Variants in ANKRD24 observed in about 807,000 individuals in gnomAD.
The protein encoded by ANKRD24 is ankyrin repeat domain 24.
Under a neutral mutation model 127.8 loss-of-function variants are expected in ANKRD24, and 109 were observed. The observed-to-expected ratio is 0.85, with a 90% CI of 0.73 to 1.00. The LOEUF is 1.00. Ranked by LOEUF, ANKRD24 falls within the 50% of genes least tolerant of loss-of-function variation. The pLI is 0.00. For synonymous variants in ANKRD24, 743 were observed against 671.1 expected (o/e 1.11, Z -1.66); for missense variants, 1,648 against 1,570.2 (o/e 1.05, Z -0.84).
rs903916550 is a variant in ANKRD24 at position 4,199,491 on chromosome 19, C to T, written c.37-192C>T. ...CCTCCCCAGATGCTGGGACTACAGG[C>T]GTGAGCCTCCATGCTCAGCCCAGGG... On this transcript the variant is annotated intron_variant, in intron 2 of 21. Transcript: ENST00000318934. This position sits in a 1 kb window ranked among gnomAD's most constrained non-coding sequence, Gnocchi z 5.2. 9 of 984,908 alleles carry T rather than the reference C, an allele frequency of 9.1e-6. No individual in the cohort carries two copies. The highest frequency in any genetic ancestry group is 7.0e-5 in the African/African-American group (4 of 57,242). The allele number at this position is 984,908 out of a possible 1,614,324, so 61.0% of individuals were successfully genotyped here. A position where few individuals can be genotyped will look rare whatever the true frequency, so the allele number is the denominator to read the frequency against.
intron 15 of ANKRD24, among the ~76,000 whole-genome samples, chr19:4,213,259 T>TTTCCTTTCCTTCC (rs1390531158): frequency 2.2e-5 from 2 of 90,870 alleles, no homozygotes; most frequent in African/African-American, 9.3e-5. Context: ...CCTTTCCTTC[T>TTTCCTTTCCTTCC]TTCCTTTCCT....
intron 5 of ANKRD24, among the ~76,000 whole-genome samples, chr19:4,201,804 T>G (rs565395514): frequency 5.3e-5 from 8 of 152,208 alleles, no homozygotes; most frequent in Non-Finnish European, 8.8e-5. Context: ...GGAGGATCGC[T>G]TGAGCCTAGG....
chr19:4,211,527 C>A (rs543048826), intron 13 of ANKRD24, among the ~76,000 whole-genome samples: 1 of 152,156 alleles, frequency 6.6e-6, no homozygotes, highest in African/African-American at 2.4e-5. Context: ...GCCTGTAATT[C>A]CAGCTACTTG....
chr19:4,208,243 C>G (rs944959241), intron 10 of ANKRD24, among the ~76,000 whole-genome samples: 3 of 151,998 alleles, frequency 2.0e-5, no homozygotes, highest in Non-Finnish European at 4.4e-5. Flanking sequence ...GTGGCTCATG[C>G]CTGTAATCCC....
intron 9 of ANKRD24, 79 bp downstream of exon 9, chr19:4,207,686 G>A: frequency 6.3e-7 from 1 of 1,597,800 alleles, no homozygotes; most frequent in Non-Finnish European, 8.6e-7. Flanking sequence ...AGACGATCTA[G>A]CCAGCCTCCT....
intron 9 of ANKRD24, 24 bp downstream of exon 9, chr19:4,207,631 G>T (rs778828210): frequency 4.3e-6 from 7 of 1,610,574 alleles, no homozygotes; most frequent in Non-Finnish European, 5.9e-6. Flanking sequence ...CTCCCAGCCA[G>T]TCCACCCTAT....
chr19:4,198,061 C>T lies in ANKRD24; in HGVS notation c.37-1622C>T. On this transcript the variant is annotated intron_variant, in intron 2 of 21. Coordinates refer to ENST00000318934, the MANE Select transcript of ANKRD24 (RefSeq NM_001393985.1). This position sits in a 1 kb window ranked among gnomAD's most constrained non-coding sequence, Gnocchi z 6.1. ...CCGCGTGGAGGTGCGAGGCTGCGGA[C>T]GTCGCGGGCCCGGAGGCACCTGCGC... The T allele has an allele frequency of 4.8e-6, 2 of 416,650 alleles. No individual in the cohort carries two copies. Among genetic ancestry groups the T allele is most frequent in the South Asian group, 6.5e-5 (1 of 15,342 alleles). The allele number at this position is 416,650 out of a possible 1,614,324, so 25.8% of individuals were successfully genotyped here.
chr19:4,198,156 G>T lies in ANKRD24; in HGVS notation c.37-1527G>T. 1.8e-6 allele frequency: 1 copy of T among 555,198 alleles called. No individual in the cohort carries two copies. Among genetic ancestry groups the T allele is most frequent in the Non-Finnish European group, 3.2e-6 (1 of 313,708 alleles). The allele number at this position is 555,198 out of a possible 1,614,324, so 34.4% of individuals were successfully genotyped here. Reference sequence around the variant, plus strand: ...CCCCTGGAGATGCAGCCGGCGGCCTGCGCTGGTGAGGGAGCCGGGCCCCCG... The same window carrying T: ...CCCCTGGAGATGCAGCCGGCGGCCTTCGCTGGTGAGGGAGCCGGGCCCCCG... On this transcript the variant is annotated intron_variant, in intron 2 of 21. Transcript: ENST00000318934. This position sits in a 1 kb window ranked among gnomAD's most constrained non-coding sequence, Gnocchi z 6.1.
rs1286085819 is a variant in ANKRD24, at chr19:4,195,209, A to G, written c.37-4474A>G. 6.6e-6 allele frequency among the ~76,000 whole-genome samples: 1 copy of G among 151,888 alleles called. No homozygotes were observed. The highest frequency in any genetic ancestry group is 1.5e-5 in the Non-Finnish European group (1 of 67,984). ...TGCCTCAGTCTCCCGAGTAGCTGGG[A>G]CTACAGGCGCCCACCACCACGCCCG... On this transcript the variant is annotated intron_variant, in intron 2 of 21. Coordinates refer to ENST00000318934, the MANE Select transcript of ANKRD24 (RefSeq NM_001393985.1). The surrounding 1 kb of genome is among the most constrained non-coding windows in gnomAD (Gnocchi z 4.2).
chr19:4,220,454 T>C (rs1467561611), intron 19 of ANKRD24, among the ~76,000 whole-genome samples: 1 of 151,924 alleles, frequency 6.6e-6, no homozygotes, highest in Non-Finnish European at 1.5e-5. Context: ...GCTGGGTTTG[T>C]ACCCACGTTC....
intron 11 of ANKRD24, 148 bp downstream of exon 11, chr19:4,208,949 A>G: frequency 1.0e-5 from 7 of 675,414 alleles, no homozygotes; most frequent in Non-Finnish European, 1.6e-5. Context: ...GCTGCCACCA[A>G]GTGGCGGCAG....
chr19:4,200,667 G>A (rs59837439), intron 5 of ANKRD24, among the ~76,000 whole-genome samples: 3,401 of 152,062 alleles, frequency 0.022, 143 homozygotes, highest in African/African-American at 0.078. Flanking sequence ...GACTATAGGC[G>A]CACACCACCA....
Position 4,212,514 on chromosome 19 carries a change from G to A in ANKRD24, c.1098+1G>A, listed in dbSNP as rs948161904. The A allele has an allele frequency of 6.4e-7, 1 of 1,560,744 alleles. No homozygotes were observed. The highest frequency in any genetic ancestry group is 1.9e-5 in the Admixed American group (1 of 51,516). On this transcript the variant is annotated splice_donor_variant, in intron 14 of 21. Coordinates refer to ENST00000318934, the MANE Select transcript of ANKRD24 (RefSeq NM_001393985.1). LOFTEE classifies it high-confidence loss of function. ...CTCCCTGCACATCCTGGAGAGACAGGTAGGTGGGAAGGTGGGGAGGAGCCG... is the reference window on the plus strand; with the variant it reads ...CTCCCTGCACATCCTGGAGAGACAGATAGGTGGGAAGGTGGGGAGGAGCCG...
rs1269692127 is a variant in ANKRD24, at chr19:4,212,522, G to A, written c.1098+9G>A. On this transcript the variant is annotated intron_variant, in intron 14 of 21. Coordinates refer to ENST00000318934, the MANE Select transcript of ANKRD24 (RefSeq NM_001393985.1). ...ACATCCTGGAGAGACAGGTAGGTGG[G>A]AAGGTGGGGAGGAGCCGGTCCTCCT... 2.6e-6 allele frequency: 4 copies of A among 1,556,880 alleles called. No individual in the cohort carries two copies. The highest frequency in any genetic ancestry group is 1.2e-5 in the South Asian group (1 of 84,172).
At chr19:4,206,168 TAAA>T (rs1568327829) in intron 7 of ANKRD24, among the ~76,000 whole-genome samples, 21 of 148,306 alleles carry the variant, frequency 1.4e-4, no homozygotes, top group African/African-American at 4.9e-4. Context: ...AATAAATAAA[TAAA>T]TAAATAAATA....
At position 4,187,792 on chromosome 19, in the gene ANKRD24, G is replaced by A. The variant is rs1968152969; in HGVS notation, c.36+1331G>A. Among the ~76,000 whole-genome samples the A allele has an allele frequency of 3.3e-5, 5 of 152,324 alleles. No homozygotes were observed. The South Asian group carries it at 1.0e-3, about 32-fold the overall frequency. On this transcript the variant is annotated intron_variant, in intron 2 of 21. Transcript: ENST00000318934. ...CAACATCCCCATCTGGTGTGGCCTG[G>A]AGAAATCAGGGAGTCTGCCTGGAGG...
intron 1 of ANKRD24, among the ~76,000 whole-genome samples, chr19:4,184,165 C>T (rs1478584186): frequency 1.3e-5 from 2 of 152,214 alleles, no homozygotes; most frequent in African/African-American, 4.8e-5. Flanking sequence ...TCATCCCCGG[C>T]CCCCTGGGGC....
rs1475640784 is a variant in ANKRD24, at chr19:4,199,241, TG to T, written c.37-437del. Among the ~76,000 whole-genome samples the T allele has an allele frequency of 1.3e-5, 2 of 151,920 alleles. No homozygotes were observed. The highest frequency in any genetic ancestry group is 4.8e-5 in the African/African-American group (2 of 41,358). ...GGGTGGCTTTCACTAAGGGATGAAT[TG>T]GGGGACAACTTTTTTTATTGTACAG... On this transcript the variant is annotated intron_variant, in intron 2 of 21. Transcript: ENST00000318934. This position sits in a 1 kb window ranked among gnomAD's most constrained non-coding sequence, Gnocchi z 5.2.
rs199779504 is a variant in ANKRD24, at chr19:4,219,625, G to C, written c.3038G>C (p.Arg1013Pro). The C allele has an allele frequency of 1.1e-5, 17 of 1,613,348 alleles. No homozygotes were observed. Among genetic ancestry groups the C allele is most frequent in the African/African-American group, 1.3e-5 (1 of 74,914 alleles). The change falls in exon 19 of 22, where the codon CGA becomes CCA. Residue 1013 changes from arginine (R) to proline (P), a missense_variant. By Grantham distance (103) the Arg-to-Pro change is moderately radical (BLOSUM62 -2). Transcript: ENST00000318934. Reference protein sequence around the residue: ...QREALFMKSERHAAEAQLATA... With the variant: ...QREALFMKSEPHAAEAQLATA... The stretch of plus-strand genomic sequence containing the variant: ...GAGGCCCTGTTCATGAAGAGTGAGC[G>C]ACACGCAGCCGAGGCACAGCTGGCC...
Sources: gnomAD v4.1 joint callset for allele counts (sites outside exome capture counted in the v4.1 genomes callset) on GRCh38, gnomAD v4.1.1 for gene constraint, Gnocchi (gnomAD v3.1) non-coding constraint, MANE v1.5 for transcripts, NCBI Gene and HGNC (gene_info 2026-07-23, HGNC 2026-07-21) for gene names.